Variants in FAR2 observed in about 807,000 individuals in gnomAD.
The protein encoded by FAR2 is epididymis secretory protein Li 81.
FAR2 carries 19 observed loss-of-function variants against 56.0 expected under a neutral mutation model. That is an observed-to-expected ratio of 0.34 (90% CI 0.24 to 0.50). FAR2 has a LOEUF of 0.50. Among genes scored for constraint, FAR2 ranks in the 20% least tolerant of loss-of-function variants. The pLI, the probability that FAR2 is intolerant of heterozygous loss-of-function variation, is 0.98. For synonymous variants in FAR2, 219 were observed against 218.8 expected, an observed-to-expected ratio of 1.00 and a Z score of -0.01; for missense variants, 508 against 642.2, an observed-to-expected ratio of 0.79 and a Z score of 2.26.
intron 4 of FAR2, among the ~76,000 whole-genome samples, chr12:29,301,182 T>C (rs1042055043): frequency 6.6e-6 from 1 of 152,220 alleles, no homozygotes; most frequent in Non-Finnish European, 1.5e-5. Flanking sequence ...AGCAGAAATA[T>C]ATTTTAAAAA....
intron 1 of FAR2, among the ~76,000 whole-genome samples, chr12:29,265,516 A>G (rs888521888): frequency 6.6e-6 from 1 of 152,218 alleles, no homozygotes; most frequent in African/African-American, 2.4e-5. Context: ...TGCCATTTGC[A>G]AAAATCAAAA....
chr12:29,329,548 G>A (rs933370883), intron 10 of FAR2, among the ~76,000 whole-genome samples: 1 of 152,144 alleles, frequency 6.6e-6, no homozygotes, highest in Admixed American at 6.5e-5. Context: ...GGGCCACTTT[G>A]AAATCAAACT....
Position 29,150,358 on chromosome 12 carries a change from C to T in FAR2, c.-39+951C>T, listed in dbSNP as rs73273149. Among the ~76,000 whole-genome samples the T allele has an allele frequency of 2.2e-3, 335 of 152,264 alleles. 2 individuals carry two copies. Among genetic ancestry groups the T allele is most frequent in the African/African-American group, 7.6e-3 (316 of 41,530 alleles). ...AAGAGTTTGGCCACTCGTTGAATCA[C>T]GTAAAGTGCCCCCATTATGTGATGA... On this transcript the variant is annotated intron_variant, in intron 1 of 11. Coordinates refer to ENST00000536681, the MANE Select transcript of FAR2 (RefSeq NM_001271783.2).
intron 1 of FAR2, among the ~76,000 whole-genome samples, chr12:29,174,577 C>A (rs1037180208): frequency 6.6e-6 from 1 of 150,780 alleles, no homozygotes; most frequent in Non-Finnish European, 1.5e-5. Context: ...CCCACCACCA[C>A]GCCCGGCTAA....
At chr12:29,286,225 T>A (rs1443342152) in intron 2 of FAR2, among the ~76,000 whole-genome samples, 1 of 152,166 alleles carries the variant, frequency 6.6e-6, no homozygotes, top group African/African-American at 2.4e-5. Context: ...TGACTTTCAT[T>A]ACACGAATCC....
chr12:29,269,416 A>G (rs12817163), intron 1 of FAR2, among the ~76,000 whole-genome samples: 20,727 of 152,112 alleles, frequency 0.14, 1,544 homozygotes, highest in Middle Eastern at 0.28. Flanking sequence ...TTCTTTTTTC[A>G]AGGTGCCTAG....
intron 4 of FAR2, among the ~76,000 whole-genome samples, chr12:29,306,897 ATT>A (rs1281649086): frequency 3.9e-5 from 6 of 152,212 alleles, no homozygotes; most frequent in African/African-American, 1.4e-4. Context: ...TCTGGAGATA[ATT>A]TTCAAGTTAT....
chr12:29,301,796 T>C (rs527828238), intron 4 of FAR2: 2 of 152,382 alleles, frequency 1.3e-5, no homozygotes, highest in South Asian at 4.1e-4. Context: ...TTATCACTGC[T>C]ATACTAATCA....
intron 2 of FAR2, among the ~76,000 whole-genome samples, chr12:29,280,191 T>C (rs1490364368): frequency 6.6e-6 from 1 of 152,162 alleles, no homozygotes; most frequent in African/African-American, 2.4e-5. Flanking sequence ...TCCCAAAGTA[T>C]TGGGATTACA....
At chr12:29,323,392 G>T (rs1949585370) in intron 10 of FAR2, among the ~76,000 whole-genome samples, 1 of 152,230 alleles carries the variant, frequency 6.6e-6, no homozygotes, top group East Asian at 1.9e-4. Flanking sequence ...CAGCTTTGAA[G>T]AGAGTAGTGG....
chr12:29,158,330 T>G (rs927388527), intron 1 of FAR2, among the ~76,000 whole-genome samples: 3 of 152,228 alleles, frequency 2.0e-5, no homozygotes, highest in African/African-American at 7.2e-5. Context: ...AGATGGGCAC[T>G]TGTTCTTTTA....
intron 9 of FAR2, among the ~76,000 whole-genome samples, chr12:29,321,413 A>T (rs1322731456): frequency 6.6e-6 from 1 of 152,144 alleles, no homozygotes; most frequent in Non-Finnish European, 1.5e-5. Context: ...TGGGTGACAG[A>T]GTAAGACCCT....
At chr12:29,324,417 G>C (rs538661742) in intron 10 of FAR2, among the ~76,000 whole-genome samples, 1 of 152,074 alleles carries the variant, frequency 6.6e-6, no homozygotes, top group Non-Finnish European at 1.5e-5. Flanking sequence ...GATACTCCTC[G>C]AGAAGAGCAA....
At chr12:29,327,322 T>C (rs954715849) in intron 10 of FAR2, among the ~76,000 whole-genome samples, 9 of 152,084 alleles carry the variant, frequency 5.9e-5, no homozygotes, top group Non-Finnish European at 1.2e-4. Flanking sequence ...AAAATGGCCA[T>C]ACTGCCCAAG....
Position 29,297,074 on chromosome 12 carries a change from G to C in FAR2, c.419G>C (p.Ser140Thr). The C allele has an allele frequency of 6.2e-7, 1 of 1,612,274 alleles. No homozygotes were observed. Among genetic ancestry groups the C allele is most frequent in the South Asian group, 1.1e-5 (1 of 90,900 alleles). ...ACCCGGCAGCTCTTGCTTATGGCTA[G>C]TCAGATGCCAAAGCTGGAAGCCTTT... ...TATRQLLLMA[S>T]QMPKLEAFIH... Residue 140 changes from serine (S) to threonine (T), a missense_variant, in exon 4 of 12, where the codon AGT (serine) becomes ACT (threonine). Coordinates refer to ENST00000536681, the MANE Select transcript of FAR2 (RefSeq NM_001271783.2).
chr12:29,282,754 G>C (rs1329115384), intron 2 of FAR2, among the ~76,000 whole-genome samples: 1 of 152,080 alleles, frequency 6.6e-6, no homozygotes, highest in African/African-American at 2.4e-5. Flanking sequence ...GGTATGCATA[G>C]ATATCACATC....
At chr12:29,163,735 TG>T (rs1287451399) in intron 1 of FAR2, among the ~76,000 whole-genome samples, 2 of 152,198 alleles carry the variant, frequency 1.3e-5, no homozygotes, top group Non-Finnish European at 2.9e-5. Context: ...GAGATAGGTG[TG>T]TGGAGACTGG....
intron 2 of FAR2, chr12:29,292,279 T>TC (rs1226327399): frequency 6.6e-6 from 1 of 152,210 alleles, no homozygotes. Flanking sequence ...CTTCTTGCTT[T>TC]CCAGTAGTCA....
At chr12:29,230,079 C>T (rs1323065513) in intron 1 of FAR2, among the ~76,000 whole-genome samples, 1 of 151,368 alleles carries the variant, frequency 6.6e-6, no homozygotes, top group Non-Finnish European at 1.5e-5. Context: ...AACAGATGAC[C>T]GAATAAACAG....
Sources: gnomAD v4.1 joint callset for allele counts (sites outside exome capture counted in the v4.1 genomes callset) on GRCh38, gnomAD v4.1.1 for gene constraint, MANE v1.5 for transcripts, NCBI Gene and HGNC (gene_info 2026-07-23, HGNC 2026-07-21) for gene names.